DDHD1: variants seen among roughly 807,000 people sequenced by gnomAD.
DDHD1 encodes the protein DDHD domain containing 1.
A neutral mutation model predicts 96.4 loss-of-function variants in DDHD1; 49 were observed. The ratio of observed to expected loss-of-function variants is 0.51; its 90% CI spans 0.40 to 0.64. DDHD1 has a LOEUF of 0.64. Among genes scored for constraint, DDHD1 ranks in the 30% least tolerant of loss-of-function variants. The pLI, the probability that DDHD1 is intolerant of heterozygous loss-of-function variation, is 0.00. For synonymous variants in DDHD1, 442 were observed against 446.5 expected (o/e 0.99, Z 0.13); for missense variants, 1,106 against 1,161.2 (o/e 0.95, Z 0.69).
chr14:53,114,082 G>C (rs1248139159), intron 1 of DDHD1, among the ~76,000 whole-genome samples: 2 of 152,170 alleles, frequency 1.3e-5, no homozygotes, highest in African/African-American at 4.8e-5. Context: ...GTTTTCCCCT[G>C]ACAGTGCTAA....
chr14:53,067,686 A>G (rs1423711095), intron 6 of DDHD1, among the ~76,000 whole-genome samples: 3 of 148,890 alleles, frequency 2.0e-5, no homozygotes, highest in Admixed American at 6.7e-5. Flanking sequence ...CAAACTCCCA[A>G]CCTCAGGTGA....
intron 4 of DDHD1, among the ~76,000 whole-genome samples, chr14:53,089,985 G>A (rs1416738789): frequency 1.3e-5 from 2 of 152,144 alleles, no homozygotes; most frequent in Admixed American, 6.5e-5. Context: ...TTAAACAAGG[G>A]CTAATATCCA....
chr14:53,090,640 C>G (rs552768460), intron 4 of DDHD1, among the ~76,000 whole-genome samples: 8 of 152,122 alleles, frequency 5.3e-5, no homozygotes, highest in Non-Finnish European at 1.2e-4. Context: ...AACCAAACAC[C>G]GTATGTTCTC....
intron 6 of DDHD1, among the ~76,000 whole-genome samples, chr14:53,068,410 A>G (rs939546095): frequency 6.6e-6 from 1 of 151,840 alleles, no homozygotes; most frequent in Non-Finnish European, 1.5e-5. Context: ...ATACATGGCT[A>G]ATTTTTAAAA....
At chr14:53,072,175 C>T (rs1884564598) in intron 6 of DDHD1, among the ~76,000 whole-genome samples, 1 of 151,986 alleles carries the variant, frequency 6.6e-6, no homozygotes, top group South Asian at 2.1e-4. Context: ...AAAGCTTCAC[C>T]TCTCGCCCCC....
Position 53,146,055 on chromosome 14 carries a change from A to C in DDHD1, c.838+6206T>G, listed in dbSNP as rs1243692361. On this transcript the variant is annotated intron_variant, in intron 1 of 12. Coordinates refer to ENST00000673822, the MANE Select transcript of DDHD1 (RefSeq NM_001160148.2). ...AACCCTGTCTCTACTGAAAATACAC[A>C]ATTAGCCAGGCATTGTGGCGCATGC... Among the ~76,000 whole-genome samples the C allele has an allele frequency of 2.6e-5, 4 of 152,088 alleles. No homozygotes were observed. The South Asian group carries it at 8.3e-4, about 32-fold the overall frequency.
chr14:53,071,927 T>G (rs749417208), intron 6 of DDHD1, among the ~76,000 whole-genome samples: 6 of 152,160 alleles, frequency 3.9e-5, no homozygotes, highest in Non-Finnish European at 7.4e-5. Flanking sequence ...TGCCACTTAT[T>G]AAGTGAGATG....
intron 3 of DDHD1, chr14:53,092,236 A>G (rs1456817194): frequency 5.1e-6 from 1 of 195,112 alleles, no homozygotes; most frequent in Non-Finnish European, 1.0e-5. Context: ...AAGAAATGGC[A>G]AACTGGAAAA....
intron 2 of DDHD1, among the ~76,000 whole-genome samples, chr14:53,094,283 G>A (rs1289100450): frequency 6.6e-6 from 1 of 152,016 alleles, no homozygotes; most frequent in South Asian, 2.1e-4. Context: ...AGAAAATGAG[G>A]TATTTTTGGA....
At chr14:53,145,251 C>A (rs532968396) in intron 1 of DDHD1, among the ~76,000 whole-genome samples, 1 of 152,028 alleles carries the variant, frequency 6.6e-6, no homozygotes, top group Non-Finnish European at 1.5e-5. Context: ...GCAGTCCCAG[C>A]GCTGTGGGAG....
chr14:53,054,702 A>G lies in DDHD1; in HGVS notation c.2246-73T>C, dbSNP rs542475090. ...TCTAAGCTAAAGAGCACCACCCATA[A>G]TTATAGCCAACTGGCAGAGGGACCA... On this transcript the variant is annotated intron_variant, in intron 10 of 12. Coordinates refer to ENST00000673822, the MANE Select transcript of DDHD1 (RefSeq NM_001160148.2). 5.5e-6 allele frequency: 8 copies of G among 1,460,704 alleles called. No homozygotes were observed. In the South Asian group the frequency reaches 9.1e-5, roughly 17 times the overall value. The allele number at this position is 1,460,704 out of a possible 1,614,324, so 90.5% of individuals were successfully genotyped here.
chr14:53,142,444 T>C (rs1890701791), intron 1 of DDHD1, among the ~76,000 whole-genome samples: 1 of 151,852 alleles, frequency 6.6e-6, no homozygotes, highest in African/African-American at 2.4e-5. Context: ...GGGCCATTTT[T>C]TTCTTGCCGG....
chr14:53,057,098 T>C (rs1247963610), intron 9 of DDHD1, among the ~76,000 whole-genome samples: 1 of 152,174 alleles, frequency 6.6e-6, no homozygotes, highest in Non-Finnish European at 1.5e-5. Flanking sequence ...TTGAATCTTA[T>C]ATTAAACTTC....
intron 12 of DDHD1, among the ~76,000 whole-genome samples, chr14:53,048,338 GT>G (rs34204835): frequency 8.0e-3 from 1,045 of 130,422 alleles, no homozygotes; most frequent in African/African-American, 0.012. Flanking sequence ...TTTTTGGGCT[GT>G]TTTTTTTTTT....
chr14:53,070,830 C>T (rs1428789069), intron 6 of DDHD1, among the ~76,000 whole-genome samples: 1 of 152,088 alleles, frequency 6.6e-6, no homozygotes, highest in African/African-American at 2.4e-5. Context: ...AAAACATATA[C>T]ACTGAATCCA....
At chr14:53,145,812 G>A (rs777621265) in intron 1 of DDHD1, among the ~76,000 whole-genome samples, 2 of 152,152 alleles carry the variant, frequency 1.3e-5, no homozygotes, top group Non-Finnish European at 2.9e-5. Flanking sequence ...TTTCCAAAGG[G>A]TGACCTGACC....
rs2051827230 is a variant in DDHD1, at chr14:53,046,715, T to G, written c.*53A>C. Reference sequence around the variant, plus strand: ...ATCTCCGTATCTTGACACACACATTTTAACGGAAAAAAAAAAAATCAGTTT... The same window carrying G: ...ATCTCCGTATCTTGACACACACATTGTAACGGAAAAAAAAAAAATCAGTTT... On this transcript the variant is annotated 3_prime_UTR_variant, in exon 13 of 13. Transcript: ENST00000673822. 7.7e-7 allele frequency: 1 copy of G among 1,304,536 alleles called. No individual in the cohort carries two copies. The highest frequency in any genetic ancestry group is 1.0e-6 in the Non-Finnish European group (1 of 963,842). The allele number at this position is 1,304,536 out of a possible 1,614,324, so 80.8% of individuals were successfully genotyped here.
rs773684802 is a variant in DDHD1 at position 53,073,765 on chromosome 14, G to A, written c.1372C>T (p.Arg458Trp). Reference protein sequence around the residue: ...THVEFLPVEWRSKLTLDGDTV... With the variant: ...THVEFLPVEWWSKLTLDGDTV... ...CCTCCATCAAGAGTAAGTTTTGACC[G>A]CCACTCAACAGGCAGAAATTCAACA... is the stretch of plus-strand genomic sequence containing the variant. Residue 458 changes from arginine to tryptophan, a missense_variant, in exon 5 of 13, where the codon CGG (arginine) becomes TGG (tryptophan). Arg to Trp is a moderately radical substitution (Grantham distance 101). Around this residue, in one of 2 missense-constraint regions of DDHD1, gnomAD observed 650 missense variants for 758.8 expected, o/e 0.86. Coordinates refer to ENST00000673822, the MANE Select transcript of DDHD1 (RefSeq NM_001160148.2). 2 of 1,604,380 alleles carry A rather than the reference G, an allele frequency of 1.2e-6. No individual in the cohort carries two copies. Among genetic ancestry groups the A allele is most frequent in the Non-Finnish European group, 1.7e-6 (2 of 1,174,422 alleles).
chr14:53,106,810 T>C (rs548536395), intron 1 of DDHD1, among the ~76,000 whole-genome samples: 89 of 152,346 alleles, frequency 5.8e-4, no homozygotes, highest in Non-Finnish European at 8.7e-4. Flanking sequence ...CTGTCCATGA[T>C]GGGGCCTTTT....
Sources: gnomAD v4.1 joint callset for allele counts (sites outside exome capture counted in the v4.1 genomes callset) on GRCh38, gnomAD v4.1.1 for gene constraint, gnomAD v4.1.1 regional missense constraint, MANE v1.5 for transcripts, NCBI Gene and HGNC (gene_info 2026-07-23, HGNC 2026-07-21) for gene names.